Variants in GPM6B observed in about 807,000 individuals in gnomAD.
GPM6B encodes the protein neuronal membrane glycoprotein M6-b.
In GPM6B, 4 loss-of-function variants were observed where a neutral mutation model predicts 27.2. The observed-to-expected ratio is 0.15, with a 90% confidence interval of 0.07 to 0.34. The LOEUF (loss-of-function observed/expected upper bound fraction) is 0.34. Ranked by LOEUF, GPM6B falls within the 10% of genes least tolerant of loss-of-function variation. The pLI is 1.00. For synonymous variants in GPM6B, 124 were observed against 103.1 expected (o/e 1.20, Z -1.23); for missense variants, 183 against 261.9 (o/e 0.70, Z 2.08).
intron 3 of GPM6B, among the ~76,000 whole-genome samples, chrX:13,784,462 G>A (rs2048572873): frequency 8.9e-6 from 1 of 111,885 alleles, no homozygotes. Context: ...TTTGTGAACA[G>A]ATAAGAAAGA....
chrX:13,817,244 G>C (rs2049254865), upstream of GPM6B: 2 of 833,177 alleles, frequency 2.4e-6, no homozygotes, highest in African/African-American at 4.3e-5. Flanking sequence ...GGGGGAGAAG[G>C]ACCTGCTCCC....
chrX:13,891,765 G>A (rs2050190933), intron 1 of GPM6B, among the ~76,000 whole-genome samples: 1 of 112,112 alleles, frequency 8.9e-6, no homozygotes, highest in Non-Finnish European at 1.9e-5. Flanking sequence ...TTGCAAAGCA[G>A]TGAGGCTGGA....
Position 13,861,045 on chromosome X carries a change from TATATAC to T in GPM6B, c.-197-75243_-197-75238del, listed in dbSNP as rs2049842618. On this transcript the variant is annotated intron_variant, in intron 1 of 6. Coordinates refer to the GPM6B transcript ENST00000398361. ...ACACACACACACACACACACACACA[TATATAC>T]ATATATATACACATACATATATATA... Among the ~76,000 whole-genome samples the T allele has an allele frequency of 7.6e-5, 4 of 52,751 alleles. No individual in the cohort carries two copies. In the South Asian group the frequency reaches 5.3e-3, roughly 70 times the overall value. 45.8% of individuals were successfully genotyped at this position (52,751 alleles called of 115,157 possible).
intron 1 of GPM6B, among the ~76,000 whole-genome samples, chrX:13,904,444 T>C (rs907087260): frequency 4.5e-5 from 5 of 111,695 alleles, no homozygotes. Context: ...CCTATCCCAA[T>C]CCCTCCTGAG....
chrX:13,781,241 C>T (rs1000977672), intron 4 of GPM6B, among the ~76,000 whole-genome samples: 2 of 111,222 alleles, frequency 1.8e-5, no homozygotes, highest in African/African-American at 3.3e-5. Flanking sequence ...TCATGGAGGC[C>T]TCTAGCGTCC....
chrX:13,772,746 C>A lies in GPM6B; in HGVS notation c.*135G>T. 1 of 513,450 alleles carries A rather than the reference C, an allele frequency of 1.9e-6. No homozygotes were observed. Among genetic ancestry groups the A allele is most frequent in the African/African-American group, 2.3e-5 (1 of 43,163 alleles). The allele number at this position is 513,450 out of a possible 1,213,427, so 42.3% of individuals were successfully genotyped here. ...GGAAGGTTTTCCTAGAGATACATCC[C>A]AGCAGCTTGAGACAGACAGTGAAGT... On this transcript the variant is annotated 3_prime_UTR_variant, in exon 8 of 8. Transcript: ENST00000316715.
rs1234708646 is a variant in GPM6B at position 13,832,704 on chromosome X, A to C, written c.-197-46896T>G. Among the ~76,000 whole-genome samples, 3 of 111,991 alleles carry C rather than the reference A, an allele frequency of 2.7e-5. No homozygotes were observed. The East Asian group carries it at 8.3e-4, about 31-fold the overall frequency. On this transcript the variant is annotated intron_variant, in intron 1 of 6. Transcript: ENST00000398361. Reference sequence around the variant, plus strand: ...TCATCTGTTTACCTTCTAGGATGGAAATTAGAAGTAGGATGAAGTCATTTA... The same window carrying C: ...TCATCTGTTTACCTTCTAGGATGGACATTAGAAGTAGGATGAAGTCATTTA...
intron 1 of GPM6B, among the ~76,000 whole-genome samples, chrX:13,808,317 A>G (rs912506576): frequency 1.8e-5 from 2 of 112,251 alleles, no homozygotes; most frequent in African/African-American, 6.5e-5. Flanking sequence ...GTCAGAGTCT[A>G]GAATGTTCTG....
intron 1 of GPM6B, among the ~76,000 whole-genome samples, chrX:13,899,158 C>T (rs1270622597): frequency 9.1e-6 from 1 of 110,290 alleles, no homozygotes; most frequent in Non-Finnish European, 1.9e-5. Context: ...TGCCTGTAAT[C>T]CCAGCTCTTT....
Position 13,873,324 on chromosome X carries a change from C to CA in GPM6B, c.-198+65002dup, listed in dbSNP as rs769411066. On this transcript the variant is annotated intron_variant, in intron 1 of 6. Coordinates refer to the GPM6B transcript ENST00000398361. ...TAAAGTATAGATCTTCAGAGAGCGA[C>CA]AGAGAGTGGCCTTGAGTCCCAGTGT... 5.9e-4 allele frequency among the ~76,000 whole-genome samples: 65 copies of CA among 110,743 alleles called. 1 individual carries two copies. The highest frequency in any genetic ancestry group is 1.9e-3 in the African/African-American group (59 of 30,426).
chrX:13,908,315 T>A (rs777446991), intron 1 of GPM6B, among the ~76,000 whole-genome samples: 205 of 112,110 alleles, frequency 1.8e-3, no homozygotes, highest in African/African-American at 6.4e-3. Flanking sequence ...ATGTGCCCCC[T>A]TATATGACAC....
Position 13,834,222 on chromosome X carries a change from C to T in GPM6B, c.-197-48414G>A, listed in dbSNP as rs184608933. ...GTCTCTTGATTCCCACCCAAACATG[C>T]TCTTTTTTCACCTGATGTATAGTTA... On this transcript the variant is annotated intron_variant, in intron 1 of 6. Coordinates refer to the GPM6B transcript ENST00000398361. 3.6e-5 allele frequency among the ~76,000 whole-genome samples: 4 copies of T among 112,544 alleles called. No individual in the cohort carries two copies. The Admixed American group carries it at 3.8e-4, about 11-fold the overall frequency.
chrX:13,931,431 T>C (rs1356146259), intron 1 of GPM6B, among the ~76,000 whole-genome samples: 1 of 107,936 alleles, frequency 9.3e-6, no homozygotes, highest in Non-Finnish European at 1.9e-5. Context: ...GAGCTTGCAG[T>C]GAGCCGAGAT....
intron 2 of GPM6B, among the ~76,000 whole-genome samples, chrX:13,789,836 GTTTT>G (rs765519143): frequency 1.2e-4 from 13 of 106,225 alleles, no homozygotes; most frequent in Non-Finnish European, 2.0e-4. Context: ...AAGCCACTGC[GTTTT>G]TTTTTTGTTT....
intron 1 of GPM6B, among the ~76,000 whole-genome samples, chrX:13,933,398 A>C (rs1603152660): frequency 9.0e-6 from 1 of 111,575 alleles, no homozygotes; most frequent in African/African-American, 3.3e-5. Flanking sequence ...TTTACCCCAT[A>C]TCCTCCATTC....
intron 1 of GPM6B, among the ~76,000 whole-genome samples, chrX:13,893,841 G>A (rs1249339792): frequency 8.9e-6 from 1 of 112,681 alleles, no homozygotes; most frequent in Non-Finnish European, 1.9e-5. Flanking sequence ...GTGCATGTAT[G>A]CCTTTGCCAT....
intron 1 of GPM6B, among the ~76,000 whole-genome samples, chrX:13,836,921 C>A (rs1023286661): frequency 9.1e-6 from 1 of 110,283 alleles, no homozygotes; most frequent in African/African-American, 3.3e-5. Flanking sequence ...AAAATCAATG[C>A]GCTTTCCTGC....
At chrX:13,845,371 C>G (rs1220671416) in intron 1 of GPM6B, among the ~76,000 whole-genome samples, 1 of 111,608 alleles carries the variant, frequency 9.0e-6, no homozygotes. Flanking sequence ...GATAAATTTG[C>G]CAATTTCCAT....
chrX:13,934,946 T>C (rs930944774), intron 1 of GPM6B, among the ~76,000 whole-genome samples: 3 of 111,124 alleles, frequency 2.7e-5, no homozygotes, highest in African/African-American at 9.8e-5. Context: ...CACTGGGAGC[T>C]TGTTACAAAT....
Sources: gnomAD v4.1 joint callset for allele counts (sites outside exome capture counted in the v4.1 genomes callset) on GRCh38, gnomAD v4.1.1 for gene constraint, MANE v1.5 for transcripts, NCBI Gene and HGNC (gene_info 2026-07-23, HGNC 2026-07-21) for gene names.